Variants in HNRNPH1 observed in about 807,000 individuals in gnomAD.
The protein encoded by HNRNPH1 is heterogeneous nuclear ribonucleoprotein H1, also known as heterogeneous nuclear ribonucleoprotein H.
In HNRNPH1, 4 loss-of-function variants were observed where a neutral mutation model predicts 58.6. That is an observed-to-expected ratio of 0.07 (90% CI 0.03 to 0.16). HNRNPH1 has a LOEUF of 0.16. Ranked by LOEUF, HNRNPH1 falls within the 10% of genes least tolerant of loss-of-function variation. The pLI is 1.00. For missense variants in HNRNPH1, 271 were observed against 564.2 expected (o/e 0.48, Z 5.26); for synonymous variants, 192 against 189.2 (o/e 1.01, Z -0.12).
exon 1 of HNRNPH1, chr5:179,623,072 G>C (rs1401953147): frequency 1.2e-6 from 2 of 1,604,366 alleles, no homozygotes; most frequent in Non-Finnish European, 1.7e-6. Context: ...GGCCGAGCAA[G>C]ACCAGGGCAA....
intron 2 of HNRNPH1, 65 bp from the exon 4 acceptor site, chr5:179,621,100 G>A: frequency 6.4e-7 from 1 of 1,562,744 alleles, no homozygotes; most frequent in Non-Finnish European, 8.8e-7. Flanking sequence ...GACTTCCTGG[G>A]TCTTTAGATA....
chr5:179,621,692 C>A (rs75316527), intron 1 of HNRNPH1: 19,374 of 426,282 alleles, frequency 0.045, 718 homozygotes, highest in African/African-American at 0.12. Flanking sequence ...TTATCAATTT[C>A]TCAGAAGATT....
chr5:179,617,810 C>T, exon 7 of HNRNPH1: 1 of 1,613,872 alleles, frequency 6.2e-7, no homozygotes, highest in African/African-American at 1.3e-5. Flanking sequence ...TTATAAATGT[C>T]ATTCTCAGTA....
At position 179,616,279 on chromosome 5, in the gene HNRNPH1, C is replaced by T. The variant is rs541403123; in HGVS notation, c.1208-61G>A. 1,096 of 1,303,598 alleles carry T rather than the reference C, an allele frequency of 8.4e-4. 1 individual carries two copies. Among genetic ancestry groups the T allele is most frequent in the Non-Finnish European group, 1.1e-3 (1,016 of 897,220 alleles). 80.8% of individuals were successfully genotyped at this position (1,303,598 alleles called of 1,614,324 possible). On this transcript the variant is annotated intron_variant, in intron 10 of 12. Coordinates refer to ENST00000356731, the Ensembl canonical transcript of HNRNPH1. ...TATGTGATGTGGTACCTGGTGGTACCGGGCTTGTAATTCTATAGCTATCAT... is the reference window on the plus strand; with the variant it reads ...TATGTGATGTGGTACCTGGTGGTACTGGGCTTGTAATTCTATAGCTATCAT...
intron 10 of HNRNPH1, 163 bp downstream of exon 11, chr5:179,616,706 C>G: frequency 1.5e-6 from 1 of 651,926 alleles, no homozygotes; most frequent in South Asian, 2.1e-5. Flanking sequence ...AACTTCATAA[C>G]TCACAAGGAT....
At chr5:179,624,088 G>T (rs1276869370) in exon 1 of HNRNPH1, 2 of 160,114 alleles carry the variant, frequency 1.2e-5, no homozygotes, top group African/African-American at 4.8e-5. Flanking sequence ...CTTGCCCCCA[G>T]GCTCTTACCG....
exon 1 of HNRNPH1, chr5:179,623,803 C>T (rs1249784202): frequency 6.6e-6 from 1 of 152,392 alleles, no homozygotes; most frequent in Admixed American, 6.5e-5. Flanking sequence ...GCCAGCCCAC[C>T]TCCCGCCGGC....
intron 2 of HNRNPH1, among the ~76,000 whole-genome samples, chr5:179,629,687 C>T (rs553104225): frequency 1.1e-4 from 17 of 152,296 alleles, no homozygotes; most frequent in Admixed American, 3.9e-4. Flanking sequence ...TATGTGAAGA[C>T]ATGTTATAGC....
At chr5:179,617,774 A>C (rs1443395659) in intron 7 of HNRNPH1, 25 bp downstream of exon 8, 1 of 1,612,596 alleles carries the variant, frequency 6.2e-7, no homozygotes, top group Non-Finnish European at 8.5e-7. Context: ...TGAAATATTG[A>C]CTTGTGAGTT....
exon 1 of HNRNPH1, chr5:179,623,351 G>T (rs1228038274): frequency 2.7e-6 from 1 of 376,896 alleles, no homozygotes; most frequent in South Asian, 2.6e-5. Context: ...AGCTGTCGGC[G>T]CCCCGAACCG....
intron 10 of HNRNPH1, 147 bp downstream of exon 11, chr5:179,616,722 T>C (rs1769911868): frequency 5.8e-6 from 4 of 684,798 alleles, no homozygotes; most frequent in Admixed American, 2.9e-5. Flanking sequence ...AGGATTTAAG[T>C]AAGCCAGATA....
chr5:179,626,313 C>A (rs1774390744), upstream of HNRNPH1, among the ~76,000 whole-genome samples: 1 of 151,966 alleles, frequency 6.6e-6, no homozygotes, highest in Non-Finnish European at 1.5e-5. Context: ...CCATGTTGGC[C>A]AGGCTGGTCT....
intron 10 of HNRNPH1, chr5:179,616,596 TATTG>T (rs1769829949): frequency 3.8e-6 from 2 of 521,938 alleles, no homozygotes; most frequent in East Asian, 3.3e-5. Context: ...CCTGTTTTGC[TATTG>T]ATTTAAACTT....
chr5:179,632,284 A>G lies in HNRNPH1; in HGVS notation c.-32+1781T>C, dbSNP rs549473792. ...GATCCCGCCACCGCACTCCAGCCTG[A>G]GTGACAGAGCGAGACTCCGTCTCAA... On this transcript the variant is annotated intron_variant, in intron 2 of 4. Coordinates refer to the HNRNPH1 transcript ENST00000521116. Among the ~76,000 whole-genome samples, 402 of 149,874 alleles carry G rather than the reference A, an allele frequency of 2.7e-3. 4 individuals carry two copies. Among genetic ancestry groups the G allele is most frequent in the African/African-American group, 9.0e-3 (364 of 40,622 alleles).
intron 2 of HNRNPH1, among the ~76,000 whole-genome samples, chr5:179,632,430 C>T (rs62392796): frequency 0.27 from 41,811 of 152,282 alleles, 7,049 homozygotes; most frequent in Non-Finnish European, 0.39. Flanking sequence ...CCCCGCGTCT[C>T]TCCGCCTTCG....
At chr5:179,632,257 A>G (rs532436362) in intron 2 of HNRNPH1, among the ~76,000 whole-genome samples, 63 of 151,778 alleles carry the variant, frequency 4.2e-4, no homozygotes, top group East Asian at 1.9e-3. Context: ...GCAGTGAGCC[A>G]AGATCCCGCC....
intron 1 of HNRNPH1, chr5:179,622,056 C>CTA: frequency 2.2e-6 from 1 of 451,616 alleles, no homozygotes; most frequent in Non-Finnish European, 4.4e-6. Context: ...TTTAATCAGT[C>CTA]TAATTTCTTT....
intron 1 of HNRNPH1, 138 bp from the exon 3 acceptor site, chr5:179,621,535 C>G: frequency 1.5e-6 from 1 of 663,538 alleles, no homozygotes; most frequent in Admixed American, 3.1e-5. Context: ...ACGATATTAC[C>G]AACTCCTAAA....
At chr5:179,614,572 A>G (rs966875541) in exon 13 of HNRNPH1, 11 of 250,532 alleles carry the variant, frequency 4.4e-5, no homozygotes, top group Non-Finnish European at 6.2e-5. Flanking sequence ...AAATACGCTT[A>G]CTGCTTAAGT....
Sources: gnomAD v4.1 joint callset for allele counts (sites outside exome capture counted in the v4.1 genomes callset) on GRCh38, gnomAD v4.1.1 for gene constraint, MANE v1.5 for transcripts, NCBI Gene and HGNC (gene_info 2026-07-23, HGNC 2026-07-21) for gene names.